KIAA1217: variants seen among roughly 807,000 people sequenced by gnomAD.
KIAA1217 encodes the protein KIAA1217.
In KIAA1217, 88 loss-of-function variants were observed where a neutral mutation model predicts 163.9. The ratio of observed to expected loss-of-function variants is 0.54; its 90% CI spans 0.45 to 0.64. The LOEUF (loss-of-function observed/expected upper bound fraction) is 0.64, where lower values mean the gene tolerates loss of function less well. Among genes scored for constraint, KIAA1217 ranks in the 30% least tolerant of loss-of-function variants. The probability of loss-of-function intolerance (pLI) is 0.00; values close to 1 mark genes in which losing one functional copy is unlikely to be tolerated. For synonymous variants in KIAA1217, 903 were observed against 923.1 expected, an observed-to-expected ratio of 0.98 and a Z score of 0.39; for missense variants, 2,372 against 2,475.0, an observed-to-expected ratio of 0.96 and a Z score of 0.88.
intron 2 of KIAA1217, among the ~76,000 whole-genome samples, chr10:24,136,043 G>A (rs572576443): frequency 6.6e-6 from 1 of 152,178 alleles, no homozygotes; most frequent in Non-Finnish European, 1.5e-5. Flanking sequence ...CCAGAGAAGT[G>A]AAGATTTTGC....
At chr10:24,390,071 CA>C (rs1048562126) in intron 3 of KIAA1217, among the ~76,000 whole-genome samples, 4 of 152,180 alleles carry the variant, frequency 2.6e-5, no homozygotes, top group African/African-American at 9.7e-5. Flanking sequence ...TGTGAAGATT[CA>C]GCCCAGTGAT....
At position 24,473,400 on chromosome 10, in the gene KIAA1217, T is replaced by C; in HGVS notation, c.1019T>C (p.Val340Ala). 6.2e-7 allele frequency: 1 copy of C among 1,613,882 alleles called. No individual in the cohort carries two copies. Among genetic ancestry groups the C allele is most frequent in the Non-Finnish European group, 8.5e-7 (1 of 1,179,878 alleles). The change falls in exon 6 of 21, where the codon GTT (valine) becomes GCT (alanine). Residue 340 changes from valine to alanine, a missense_variant. By Grantham distance (64) the Val-to-Ala change is moderately conservative. Coordinates refer to ENST00000376454, the MANE Select transcript of KIAA1217 (RefSeq NM_019590.5). ...TATGGGGGCACCCGCTCCATGGTTG[T>C]TCCTGGCAATGCCACCATCCCCAGG... ...IPYGGTRSMVVPGNATIPRDR... is the reference protein window; with the variant it reads ...IPYGGTRSMVAPGNATIPRDR...
intron 2 of KIAA1217, among the ~76,000 whole-genome samples, chr10:24,291,348 G>A (rs1225702278): frequency 6.6e-6 from 1 of 152,120 alleles, no homozygotes; most frequent in Non-Finnish European, 1.5e-5. Flanking sequence ...GGCCAACATG[G>A]TAAAACCCTG....
intron 1 of KIAA1217, among the ~76,000 whole-genome samples, chr10:23,802,070 G>A (rs1836492825): frequency 6.6e-6 from 1 of 152,192 alleles, no homozygotes; most frequent in Admixed American, 6.5e-5. Flanking sequence ...ATCAGGACTT[G>A]AGAGACTGCA....
At chr10:24,083,419 G>A (rs2061599881) in intron 2 of KIAA1217, among the ~76,000 whole-genome samples, 1 of 152,128 alleles carries the variant, frequency 6.6e-6, no homozygotes, top group South Asian at 2.1e-4. Flanking sequence ...TTCATCTCTT[G>A]GTGAAGGTAT....
chr10:24,123,993 A>C (rs915630293), intron 2 of KIAA1217, among the ~76,000 whole-genome samples: 1 of 152,184 alleles, frequency 6.6e-6, no homozygotes, highest in African/African-American at 2.4e-5. Flanking sequence ...CCCCCAGTCA[A>C]TGACTTTTTC....
chr10:23,877,843 T>C (rs1840765825), intron 1 of KIAA1217, among the ~76,000 whole-genome samples: 1 of 151,970 alleles, frequency 6.6e-6, no homozygotes, highest in East Asian at 1.9e-4. Flanking sequence ...ATTCATATTG[T>C]GATGCCAACG....
chr10:24,448,894 A>G (rs2061174637), intron 5 of KIAA1217, among the ~76,000 whole-genome samples: 2 of 152,182 alleles, frequency 1.3e-5, no homozygotes. Flanking sequence ...CAATAATGAT[A>G]CAGACAATAA....
intron 6 of KIAA1217, among the ~76,000 whole-genome samples, chr10:24,475,076 G>T (rs1034924237): frequency 6.6e-6 from 1 of 151,992 alleles, no homozygotes; most frequent in Non-Finnish European, 1.5e-5. Context: ...AAAATTAGTC[G>T]GGTGTGGTGG....
intron 2 of KIAA1217, among the ~76,000 whole-genome samples, chr10:24,125,925 C>G (rs970522378): frequency 9.9e-5 from 15 of 152,046 alleles, no homozygotes; most frequent in African/African-American, 3.6e-4. Flanking sequence ...TACTTGTTAC[C>G]GCTTGGTAGC....
intron 2 of KIAA1217, among the ~76,000 whole-genome samples, chr10:24,307,635 G>A (rs947423199): frequency 5.3e-5 from 8 of 151,268 alleles, no homozygotes; most frequent in African/African-American, 1.7e-4. Flanking sequence ...AAAAATATTA[G>A]CCAGGCATAG....
intron 2 of KIAA1217, among the ~76,000 whole-genome samples, chr10:24,296,355 G>A (rs111716827): frequency 6.6e-6 from 1 of 152,090 alleles, no homozygotes; most frequent in Non-Finnish European, 1.5e-5. Context: ...CAGTCCTCCC[G>A]CCTAGGCTTT....
chr10:23,897,379 C>T (rs1255336190), intron 1 of KIAA1217, among the ~76,000 whole-genome samples: 2 of 152,034 alleles, frequency 1.3e-5, no homozygotes, highest in Admixed American at 1.3e-4. Flanking sequence ...TTGACTTTTC[C>T]CTTTGCATGT....
rs1491179197 is a variant in KIAA1217, at chr10:23,790,320, C to CATATGCACATATGCATATAT, written c.-321+95087_-321+95088insTATGCACATATGCATATATA. ...ATGCACATATGCATATATACATATG[C>CATATGCACATATGCATATAT]ACATATGCATATATGCATATATACA... On this transcript the variant is annotated intron_variant, in intron 1 of 18. Coordinates refer to the KIAA1217 transcript ENST00000376462. Among the ~76,000 whole-genome samples, 2 of 9,968 alleles carry CATATGCACATATGCATATAT rather than the reference C, an allele frequency of 2.0e-4. 1 individual carries two copies. Among genetic ancestry groups the CATATGCACATATGCATATAT allele is most frequent in the African/African-American group, 4.7e-4 (2 of 4,292 alleles). 6.5% of individuals were successfully genotyped at this position (9,968 alleles called of 152,430 possible). A position where few individuals can be genotyped will look rare whatever the true frequency, so the allele number is the denominator to read the frequency against.
At chr10:24,359,130 C>T (rs566595665) in intron 2 of KIAA1217, among the ~76,000 whole-genome samples, 21 of 146,570 alleles carry the variant, frequency 1.4e-4, no homozygotes, top group Admixed American at 9.8e-4. Flanking sequence ...CACTCTGTCA[C>T]CCAGGCTGGA....
At chr10:24,015,150 G>A (rs889863297) in intron 2 of KIAA1217, among the ~76,000 whole-genome samples, 6 of 152,018 alleles carry the variant, frequency 3.9e-5, no homozygotes, top group Non-Finnish European at 5.9e-5. Flanking sequence ...AAATGTTGAG[G>A]ACAACAATAA....
intron 2 of KIAA1217, among the ~76,000 whole-genome samples, chr10:24,034,673 G>T (rs1389956091): frequency 1.3e-5 from 2 of 152,074 alleles, no homozygotes; most frequent in Non-Finnish European, 2.9e-5. Context: ...AAGGTGAAAA[G>T]TTCAAGAAGC....
At chr10:23,912,438 T>C (rs1038916578) in intron 1 of KIAA1217, among the ~76,000 whole-genome samples, 1 of 152,010 alleles carries the variant, frequency 6.6e-6, no homozygotes, top group African/African-American at 2.4e-5. Context: ...ATCATCTAAA[T>C]AGCGAACATT....
At chr10:23,796,657 C>T (rs776674128) in intron 1 of KIAA1217, among the ~76,000 whole-genome samples, 1 of 152,026 alleles carries the variant, frequency 6.6e-6, no homozygotes, top group Non-Finnish European at 1.5e-5. Flanking sequence ...ATCACTGCGC[C>T]CGGCTGCTTT....
Sources: gnomAD v4.1 joint callset for allele counts (sites outside exome capture counted in the v4.1 genomes callset) on GRCh38, gnomAD v4.1.1 for gene constraint, MANE v1.5 for transcripts, NCBI Gene and HGNC (gene_info 2026-07-23, HGNC 2026-07-21) for gene names.